Variants in CCDC171 observed in about 807,000 individuals in gnomAD.
CCDC171 encodes coiled-coil domain-containing protein 171.
Under a neutral mutation model 168.2 loss-of-function variants are expected in CCDC171, and 177 were observed. The observed-to-expected ratio is 1.05, with a 90% CI of 0.93 to 1.19. The LOEUF is 1.19. Ranked by LOEUF, CCDC171 falls within the 50% of genes most tolerant of loss-of-function variation. CCDC171 has a pLI of 0.00. For missense variants in CCDC171, 1,991 were observed against 1,539.0 expected, an observed-to-expected ratio of 1.29 and a Z score of -4.91; for synonymous variants, 687 against 540.8, an observed-to-expected ratio of 1.27 and a Z score of -3.75.
At chr9:15,970,783 T>TA (rs1831275316) in intron 25 of CCDC171, among the ~76,000 whole-genome samples, 1 of 152,170 alleles carries the variant, frequency 6.6e-6, no homozygotes, top group South Asian at 2.1e-4. Context: ...TCTAAATACT[T>TA]ATAATAGTCT....
chr9:15,833,305 A>G (rs2060311756), intron 21 of CCDC171, among the ~76,000 whole-genome samples: 1 of 151,890 alleles, frequency 6.6e-6, no homozygotes. Context: ...TTATGATCTC[A>G]TGAGAGTACT....
intron 24 of CCDC171, chr9:15,875,228 G>A (rs1375516266): frequency 6.6e-6 from 1 of 151,954 alleles, no homozygotes; most frequent in East Asian, 1.9e-4. Context: ...ATTGTAAGAT[G>A]TGCAAATTGG....
chr9:16,055,260 G>C (rs898490524), intron 1 of CCDC171, among the ~76,000 whole-genome samples: 1 of 152,152 alleles, frequency 6.6e-6, no homozygotes, highest in Admixed American at 6.5e-5. Context: ...TTTTAGTTCT[G>C]AGATGCCCAG....
At chr9:15,790,694 T>A (rs1450978420) in intron 21 of CCDC171, among the ~76,000 whole-genome samples, 2 of 152,238 alleles carry the variant, frequency 1.3e-5, no homozygotes, top group Non-Finnish European at 2.9e-5. Flanking sequence ...TGAATGGTAT[T>A]GCCTAGGTTT....
At chr9:15,585,122 G>T (rs2041454035) in intron 4 of CCDC171, among the ~76,000 whole-genome samples, 1 of 152,068 alleles carries the variant, frequency 6.6e-6, no homozygotes, top group African/African-American at 2.4e-5. Context: ...AGAGCAACAG[G>T]GACTCATATT....
intron 3 of CCDC171, among the ~76,000 whole-genome samples, chr9:15,574,327 T>C (rs1587066266): frequency 6.6e-6 from 1 of 151,840 alleles, no homozygotes; most frequent in East Asian, 1.9e-4. Flanking sequence ...GTATTTTTAG[T>C]AGAGACGGGA....
chr9:15,757,112 A>G (rs2056170517), intron 18 of CCDC171, among the ~76,000 whole-genome samples: 1 of 152,204 alleles, frequency 6.6e-6, no homozygotes, highest in Admixed American at 6.5e-5. Flanking sequence ...AGATACCTGA[A>G]AATGTTTAAG....
At chr9:16,017,719 A>T (rs1202532889) in intron 3 of CCDC171, among the ~76,000 whole-genome samples, 1 of 152,236 alleles carries the variant, frequency 6.6e-6, no homozygotes, top group Non-Finnish European at 1.5e-5. Context: ...ATTTTTGATT[A>T]TAACTGACCT....
intron 14 of CCDC171, 98 bp downstream of exon 14, chr9:15,725,074 T>C (rs577048641): frequency 4.6e-6 from 4 of 871,590 alleles, no homozygotes; most frequent in Admixed American, 2.3e-5. Context: ...ATTAAGAAAA[T>C]TGTTCTGAGC....
At chr9:15,811,096 G>T (rs2059336299) in intron 21 of CCDC171, among the ~76,000 whole-genome samples, 2 of 152,240 alleles carry the variant, frequency 1.3e-5, no homozygotes, top group African/African-American at 4.8e-5. Context: ...GTCACGTGAA[G>T]TATCTAGGCC....
intron 21 of CCDC171, among the ~76,000 whole-genome samples, chr9:15,839,435 A>C (rs2060582186): frequency 6.6e-6 from 1 of 152,146 alleles, no homozygotes; most frequent in South Asian, 2.1e-4. Flanking sequence ...TTAGATTCAG[A>C]AGAAGGGCTC....
At chr9:15,766,208 C>T (rs1275768693) in intron 18 of CCDC171, among the ~76,000 whole-genome samples, 5 of 152,130 alleles carry the variant, frequency 3.3e-5, no homozygotes, top group African/African-American at 1.2e-4. Context: ...AACTGTAGTG[C>T]ATATGAAGCT....
At chr9:15,736,664 T>C (rs1435662296) in intron 16 of CCDC171, among the ~76,000 whole-genome samples, 1 of 33,054 alleles carries the variant, frequency 3.0e-5, no homozygotes, top group Non-Finnish European at 6.1e-5. Context: ...CATTTCTTTT[T>C]CTTTCTTTCT....
intron 21 of CCDC171, among the ~76,000 whole-genome samples, chr9:15,838,785 T>C (rs1346536555): frequency 6.6e-6 from 1 of 152,172 alleles, no homozygotes; most frequent in Non-Finnish European, 1.5e-5. Context: ...CACATAAGTG[T>C]CTTCTTACAT....
chr9:15,602,165 A>T (rs963707599), intron 6 of CCDC171, among the ~76,000 whole-genome samples: 2 of 152,194 alleles, frequency 1.3e-5, no homozygotes. Flanking sequence ...TTTTTTAATT[A>T]ACAAAAGAAA....
chr9:15,812,816 G>A (rs1423848043), intron 21 of CCDC171, among the ~76,000 whole-genome samples: 1 of 152,160 alleles, frequency 6.6e-6, no homozygotes, highest in Non-Finnish European at 1.5e-5. Flanking sequence ...CTCTGAATGG[G>A]AGTGTTTGCT....
At chr9:15,964,885 C>G (rs746677305) in intron 25 of CCDC171, among the ~76,000 whole-genome samples, 3 of 152,120 alleles carry the variant, frequency 2.0e-5, no homozygotes, top group Non-Finnish European at 4.4e-5. Flanking sequence ...CTCAGCCTCC[C>G]GGGTAGCTGG....
chr9:15,925,762 T>C (rs1825822518), intron 25 of CCDC171, among the ~76,000 whole-genome samples: 1 of 151,618 alleles, frequency 6.6e-6, no homozygotes, highest in Admixed American at 6.6e-5. Flanking sequence ...ATCTAATGTT[T>C]TGGAATGTTA....
At chr9:16,089,520 T>C in the CCDC171 span, among the ~76,000 whole-genome samples, 1 of 151,656 alleles carries the variant, frequency 6.6e-6, no homozygotes, top group East Asian at 2.0e-4. Context: ...GGTCTTATGT[T>C]TAAGTCTATA....
Sources: gnomAD v4.1 joint callset for allele counts (sites outside exome capture counted in the v4.1 genomes callset) on GRCh38, gnomAD v4.1.1 for gene constraint, MANE v1.5 for transcripts, NCBI Gene and HGNC (gene_info 2026-07-23, HGNC 2026-07-21) for gene names.